Variants in CFAP20DC observed in about 807,000 individuals in gnomAD.
CFAP20DC encodes protein CFAP20DC.
A neutral mutation model predicts 101.7 loss-of-function variants in CFAP20DC; 84 were observed. The ratio of observed to expected loss-of-function variants is 0.83; its 90% CI spans 0.69 to 0.99. CFAP20DC has a LOEUF of 0.99. Among genes scored for constraint, CFAP20DC ranks in the 50% least tolerant of loss-of-function variants. CFAP20DC has a pLI of 0.00. For missense variants in CFAP20DC, 1,007 were observed against 970.3 expected, an observed-to-expected ratio of 1.04 and a Z score of -0.50; for synonymous variants, 359 against 351.2, an observed-to-expected ratio of 1.02 and a Z score of -0.25.
intron 4 of CFAP20DC, among the ~76,000 whole-genome samples, chr3:59,023,180 C>A (rs1475479992): frequency 6.6e-6 from 1 of 150,882 alleles, no homozygotes; most frequent in Non-Finnish European, 1.5e-5. Context: ...GTTTGTTTTC[C>A]TGTCTTTTTC....
At position 58,939,709 on chromosome 3, in the gene CFAP20DC, C is replaced by T. The variant is rs556741909; in HGVS notation, c.279-1947G>A. Among the ~76,000 whole-genome samples the T allele has an allele frequency of 4.7e-5, 7 of 150,420 alleles. No individual in the cohort carries two copies. In the South Asian group the frequency reaches 6.3e-4, roughly 14 times the overall value. ...TCCTGACCTCGTGATCCGCCTGCCT[C>T]GCCCTCCCAAAGTGCTGGGATTACA... On this transcript the variant is annotated intron_variant, in intron 4 of 16. Transcript: ENST00000482387.
At chr3:58,766,264 C>G (rs550177718) in intron 15 of CFAP20DC, among the ~76,000 whole-genome samples, 1 of 152,276 alleles carries the variant, frequency 6.6e-6, no homozygotes, top group East Asian at 1.9e-4. Flanking sequence ...TTTACAAAAA[C>G]AGGCAGTGGG....
intron 5 of CFAP20DC, among the ~76,000 whole-genome samples, chr3:58,930,997 A>G (rs1289296506): frequency 6.6e-6 from 1 of 152,206 alleles, no homozygotes; most frequent in Non-Finnish European, 1.5e-5. Context: ...ACAAGGGGTC[A>G]GGGAGTTCCC....
At chr3:58,816,459 C>T (rs1291660292) in intron 14 of CFAP20DC, among the ~76,000 whole-genome samples, 5 of 152,124 alleles carry the variant, frequency 3.3e-5, no homozygotes, top group South Asian at 2.1e-4. Flanking sequence ...CGAAGCAGGG[C>T]GAGGCATTGC....
At chr3:59,040,192 G>T (rs979940540) in intron 3 of CFAP20DC, among the ~76,000 whole-genome samples, 26 of 152,042 alleles carry the variant, frequency 1.7e-4, no homozygotes, top group African/African-American at 6.3e-4. Context: ...TAAACCTTTT[G>T]TTAATTAACA....
intron 15 of CFAP20DC, among the ~76,000 whole-genome samples, chr3:58,790,065 T>C (rs113701923): frequency 1.3e-5 from 2 of 152,302 alleles, no homozygotes; most frequent in East Asian, 3.9e-4. Context: ...ATGTGTAATG[T>C]AAACAGAGAA....
chr3:58,846,607 T>G lies in CFAP20DC; in HGVS notation c.1971+2425A>C, dbSNP rs1276303027. Among the ~76,000 whole-genome samples the G allele has an allele frequency of 2.6e-5, 4 of 151,510 alleles. No individual in the cohort carries two copies. In the East Asian group the frequency reaches 7.8e-4, roughly 29 times the overall value. On this transcript the variant is annotated intron_variant, in intron 13 of 16. Coordinates refer to ENST00000482387, the MANE Select transcript of CFAP20DC (RefSeq NM_001394063.1). ...ATACTGCCCAAGGTAATTTACAGAT[T>G]CAATGCCATCCCCATCAAGCTACCA...
In CFAP20DC at chr3:59,014,406, C is replaced by CT. The variant is rs2093648584; in HGVS notation, c.278+25150dup. The stretch of plus-strand genomic sequence containing the variant: ...GATAAGGTGACTGGATAATGTTCTA[C>CT]TTTTTAACTAAATATTAACTGAAAC... On this transcript the variant is annotated intron_variant, in intron 4 of 16. Transcript: ENST00000482387. This position sits in a 1 kb window ranked among gnomAD's most constrained non-coding sequence, Gnocchi z 4.9. Among the ~76,000 whole-genome samples, 1 of 152,130 alleles carries CT rather than the reference C, an allele frequency of 6.6e-6. No homozygotes were observed. Among genetic ancestry groups the CT allele is most frequent in the African/African-American group, 2.4e-5 (1 of 41,450 alleles).
Position 58,770,730 on chromosome 3 carries a change from G to C in CFAP20DC, c.2238-16867C>G, listed in dbSNP as rs1440984709. ...TCTTACCTTATTATGAAGGCGCTGG[G>C]GACCTACTGAAGGATTTTAAGATAG... On this transcript the variant is annotated intron_variant, in intron 15 of 16. Coordinates refer to ENST00000482387, the MANE Select transcript of CFAP20DC (RefSeq NM_001394063.1). Among the ~76,000 whole-genome samples the C allele has an allele frequency of 2.0e-5, 3 of 152,152 alleles. No individual in the cohort carries two copies. In the East Asian group the frequency reaches 5.8e-4, roughly 29 times the overall value.
intron 4 of CFAP20DC, among the ~76,000 whole-genome samples, chr3:58,975,746 T>C (rs937479549): frequency 6.6e-6 from 1 of 152,234 alleles, no homozygotes; most frequent in African/African-American, 2.4e-5. Context: ...TCACCTGTTT[T>C]GGTATGTGAT....
intron 15 of CFAP20DC, among the ~76,000 whole-genome samples, chr3:58,760,229 C>T (rs2069417868): frequency 6.6e-6 from 1 of 152,198 alleles, no homozygotes; most frequent in Non-Finnish European, 1.5e-5. Flanking sequence ...GTTTGTAGTT[C>T]TCCTTGAAGA....
chr3:58,931,872 C>T (rs1242201334), intron 5 of CFAP20DC, among the ~76,000 whole-genome samples: 9 of 152,210 alleles, frequency 5.9e-5, no homozygotes, highest in Admixed American at 4.6e-4. Context: ...AGCACCTCTC[C>T]TCCTCCAAAG....
chr3:58,843,254 A>G (rs368225946), intron 13 of CFAP20DC, among the ~76,000 whole-genome samples: 45 of 151,980 alleles, frequency 3.0e-4, no homozygotes, highest in African/African-American at 9.9e-4. Context: ...CAAAGAAGTT[A>G]AAAACTTTGA....
intron 4 of CFAP20DC, among the ~76,000 whole-genome samples, chr3:59,012,062 T>G (rs1362708266): frequency 6.6e-6 from 1 of 152,206 alleles, no homozygotes; most frequent in Non-Finnish European, 1.5e-5. Context: ...TATCTCTTCA[T>G]AGAACTCACA....
At chr3:58,921,053 A>G (rs1016218264) in intron 5 of CFAP20DC, among the ~76,000 whole-genome samples, 2 of 152,116 alleles carry the variant, frequency 1.3e-5, no homozygotes, top group African/African-American at 4.8e-5. Context: ...TAAGTTGTCA[A>G]ATTCACTGGC....
intron 13 of CFAP20DC, among the ~76,000 whole-genome samples, chr3:58,841,210 A>C (rs2077079664): frequency 6.6e-6 from 1 of 152,228 alleles, no homozygotes; most frequent in Non-Finnish European, 1.5e-5. Context: ...GTGTTTTGAA[A>C]TAATGCAATG....
At chr3:58,922,457 C>T (rs1006453588) in intron 5 of CFAP20DC, among the ~76,000 whole-genome samples, 1 of 152,152 alleles carries the variant, frequency 6.6e-6, no homozygotes, top group African/African-American at 2.4e-5. Flanking sequence ...GTCATGGAGG[C>T]AGATCCCTCA....
intron 4 of CFAP20DC, among the ~76,000 whole-genome samples, chr3:59,026,050 T>C (rs975859707): frequency 1.3e-5 from 2 of 152,168 alleles, no homozygotes; most frequent in Admixed American, 6.5e-5. Flanking sequence ...TTTTAAGGCA[T>C]GCAAATTTAA....
At chr3:58,903,055 T>C (rs978833732) in intron 6 of CFAP20DC, among the ~76,000 whole-genome samples, 2 of 152,172 alleles carry the variant, frequency 1.3e-5, no homozygotes. Context: ...AGGATACATA[T>C]CGTATCAGAT....
Sources: gnomAD v4.1 joint callset for allele counts (sites outside exome capture counted in the v4.1 genomes callset) on GRCh38, gnomAD v4.1.1 for gene constraint, Gnocchi (gnomAD v3.1) non-coding constraint, MANE v1.5 for transcripts, NCBI Gene and HGNC (gene_info 2026-07-23, HGNC 2026-07-21) for gene names.